The following KCNK15 variants were observed in gnomAD, a reference collection of about 807,000 sequenced individuals.
KCNK15 encodes potassium channel subfamily K member 15.
In KCNK15, 9 loss-of-function variants were observed where a neutral mutation model predicts 8.5. The ratio of observed to expected loss-of-function variants is 1.06; its 90% CI spans 0.64 to 1.85. KCNK15 has a LOEUF of 1.85. KCNK15 is among the 40% of genes most tolerant of loss of function. The pLI, the probability that KCNK15 is intolerant of heterozygous loss-of-function variation, is 0.00. For missense variants in KCNK15, 467 were observed against 476.8 expected (o/e 0.98, Z 0.19); for synonymous variants, 224 against 232.7 (o/e 0.96, Z 0.34).
chr20:44,750,957 C>T lies in KCNK15; in HGVS notation c.*119C>T. ...CCTCTAGGCGGTCTTCTGCCACGAG[C>T]AGTTTCTCATTACTGTCTGTGGCTA... On this transcript the variant is annotated 3_prime_UTR_variant, in exon 2 of 2. Transcript: ENST00000372861. The T allele has an allele frequency of 1.5e-6, 1 of 650,302 alleles. No individual in the cohort carries two copies. Among genetic ancestry groups the T allele is most frequent in the Non-Finnish European group, 2.3e-6 (1 of 431,472 alleles). 40.3% of individuals were successfully genotyped at this position (650,302 alleles called of 1,614,324 possible). A position where few individuals can be genotyped will look rare whatever the true frequency, so the allele number is the denominator to read the frequency against.
At position 44,746,199 on chromosome 20, in the gene KCNK15, C is replaced by T; in HGVS notation, c.283+6C>T. On this transcript the variant is annotated splice_donor_region_variant and intron_variant, in intron 1 of 1. Transcript: ENST00000372861. The stretch of plus-strand genomic sequence containing the variant: ...CACCGTCATCACTACCATCGGTGAG[C>T]CGCCCGGAGCCTCCCTCCGCGCCCG... The T allele has an allele frequency of 1.6e-6, 1 of 642,374 alleles. No individual in the cohort carries two copies. The highest frequency in any genetic ancestry group is 3.6e-5 in the South Asian group (1 of 27,856). The allele number at this position is 642,374 out of a possible 1,614,324, so 39.8% of individuals were successfully genotyped here.
Position 44,745,872 on chromosome 20 carries a change from G to A in KCNK15, c.-39G>A. On this transcript the variant is annotated 5_prime_UTR_variant, in exon 1 of 2. Transcript: ENST00000372861. ...GGAGCGCGCGGTCCGGGCACACGGAGCAGGTTGGGACCGCGGCGGGTACCG... is the reference window on the plus strand; with the variant it reads ...GGAGCGCGCGGTCCGGGCACACGGAACAGGTTGGGACCGCGGCGGGTACCG... The A allele has an allele frequency of 1.6e-6, 2 of 1,249,284 alleles. No homozygotes were observed. The highest frequency in any genetic ancestry group is 2.0e-6 in the Non-Finnish European group (2 of 995,560). 77.4% of individuals were successfully genotyped at this position (1,249,284 alleles called of 1,614,324 possible). A position where few individuals can be genotyped will look rare whatever the true frequency, so the allele number is the denominator to read the frequency against.
At chr20:44,749,949 A>G (rs1278724284) in intron 1 of KCNK15, among the ~76,000 whole-genome samples, 180 bp from the exon 2 acceptor site, 1 of 152,208 alleles carries the variant, frequency 6.6e-6, no homozygotes, top group Non-Finnish European at 1.5e-5. Flanking sequence ...TCCCCAGTCG[A>G]GGGACACTTG....
rs1213460506 is a variant in KCNK15, at chr20:44,750,411, C to CCTA, written c.575_577dup (p.Tyr192dup). ...TTCGAGGGCTGGACCTTCTTCCACG[C>CCTA]CTACTACTACTGCTTCATCACCCTC... On this transcript the variant is annotated inframe_insertion, in exon 2 of 2. Transcript: ENST00000372861. The CCTA allele has an allele frequency of 1.2e-6, 2 of 1,613,908 alleles. No individual in the cohort carries two copies. Among genetic ancestry groups the CCTA allele is most frequent in the Non-Finnish European group, 1.7e-6 (2 of 1,179,924 alleles).
At position 44,750,821 on chromosome 20, in the gene KCNK15, C is replaced by T. The variant is rs944631855; in HGVS notation, c.976C>T (p.Arg326Trp). 9 of 1,465,176 alleles carry T rather than the reference C, an allele frequency of 6.1e-6. No homozygotes were observed. Among genetic ancestry groups the T allele is most frequent in the Non-Finnish European group, 7.2e-6 (8 of 1,111,870 alleles). The allele number at this position is 1,465,176 out of a possible 1,614,324, so 90.8% of individuals were successfully genotyped here. The change falls in exon 2 of 2, where the codon CGG (arginine) becomes TGG (tryptophan). Residue 326 changes from arginine (R) to tryptophan (W), a missense_variant. By Grantham distance (101) the Arg-to-Trp change is moderately radical. This residue lies in a region of KCNK15 where 455 missense variants were observed against 441.2 expected (regional missense o/e 1.03). Transcript: ENST00000372861. ...RGGQAPRLGARWKSI is the reference protein window; with the variant it reads ...RGGQAPRLGAWWKSI ...CGGGCAGGCTCCCAGGCTTGGGGCC[C>T]GGTGGAAGTCCATCTGACAACCCCA...
chr20:44,751,115 A>G lies in KCNK15; in HGVS notation c.*277A>G, dbSNP rs2066030077. 1 of 280,626 alleles carries G rather than the reference A, an allele frequency of 3.6e-6. No homozygotes were observed. Among genetic ancestry groups the G allele is most frequent in the East Asian group, 6.2e-5 (1 of 16,178 alleles). The allele number at this position is 280,626 out of a possible 1,614,324, so 17.4% of individuals were successfully genotyped here. On this transcript the variant is annotated 3_prime_UTR_variant, in exon 2 of 2. Transcript: ENST00000372861. ...GGGCGTGGCCACATCAGCACTTAGGAGAGGCTCTGCACAGGTCCACCTCAG... is the reference window on the plus strand; with the variant it reads ...GGGCGTGGCCACATCAGCACTTAGGGGAGGCTCTGCACAGGTCCACCTCAG...
rs1461024306 is a variant in KCNK15 at position 44,750,237 on chromosome 20, G to T, written c.392G>T (p.Arg131Leu). ...TLVTFQSLGE[R>L]LNAVVRRLLL... ...GTCACTTTCCAGAGCCTGGGCGAAC[G>T]GCTGAACGCGGTGGTGCGGCGCCTC... The change falls in exon 2 of 2, where the codon CGG becomes CTG. Residue 131 changes from arginine (R) to leucine (L), a missense_variant. By Grantham distance (102) the Arg-to-Leu change is moderately radical. Coordinates refer to ENST00000372861, the MANE Select transcript of KCNK15 (RefSeq NM_022358.4). 2.0e-5 allele frequency: 32 copies of T among 1,610,430 alleles called. No homozygotes were observed. Among genetic ancestry groups the T allele is most frequent in the Non-Finnish European group, 2.7e-5 (32 of 1,178,824 alleles).
Position 44,750,861 on chromosome 20 carries a change from G to A in KCNK15, c.*23G>A. 7.4e-7 allele frequency: 1 copy of A among 1,345,260 alleles called. No individual in the cohort carries two copies. Among genetic ancestry groups the A allele is most frequent in the Non-Finnish European group, 9.6e-7 (1 of 1,042,262 alleles). The allele number at this position is 1,345,260 out of a possible 1,614,324, so 83.3% of individuals were successfully genotyped here. On this transcript the variant is annotated 3_prime_UTR_variant, in exon 2 of 2. Transcript: ENST00000372861. ...TGACAACCCCACCCAGGCCAGGGTC[G>A]AATCTGGAATGGGAGGGTCTGGCTT...
rs1297160697 is a variant in KCNK15, at chr20:44,746,139, C to T, written c.229C>T (p.Gln77Ter). ...GGCTGAGCCCCACCGCGCCGGCCGC[C>T]AGTGGAAGTTCCCCGGCTCCTTCTA... is the stretch of plus-strand genomic sequence containing the variant. Reference protein sequence around the residue: ...LQAEPHRAGRQWKFPGSFYFA... With the variant: ...LQAEPHRAGR Residue 77 changes from glutamine (Q) to a stop codon, truncating the protein, a stop_gained, in exon 1 of 2, where the codon CAG becomes TAG. Coordinates refer to ENST00000372861, the MANE Select transcript of KCNK15 (RefSeq NM_022358.4). LOFTEE classifies it high-confidence loss of function. The T allele has an allele frequency of 2.1e-6, 3 of 1,424,080 alleles. No individual in the cohort carries two copies. The highest frequency in any genetic ancestry group is 1.5e-5 in the African/African-American group (1 of 67,066). The allele number at this position is 1,424,080 out of a possible 1,614,324, so 88.2% of individuals were successfully genotyped here.
rs755216666 is a variant in KCNK15, at chr20:44,751,573, G to A, written c.*735G>A. ...GTCAATCACCAGCAATATGACCTTG[G>A]AGAATCGCATCCTCTCCCAGGGCCT... On this transcript the variant is annotated 3_prime_UTR_variant, in exon 2 of 2. Coordinates refer to ENST00000372861, the MANE Select transcript of KCNK15 (RefSeq NM_022358.4). 10 of 152,230 alleles carry A rather than the reference G, an allele frequency of 6.6e-5. No individual in the cohort carries two copies. Among genetic ancestry groups the A allele is most frequent in the African/African-American group, 2.4e-4 (10 of 41,426 alleles). 9.4% of individuals were successfully genotyped at this position (152,230 alleles called of 1,614,324 possible).
In KCNK15 at chr20:44,745,985, C is replaced by A. The variant is rs751501564; in HGVS notation, c.75C>A (p.Val25=). ...TLCYLLVGAA[V]FDALESEAES... is the part of the protein sequence containing the mutation. ...GTTACCTGCTGGTGGGCGCTGCTGT[C>A]TTCGACGCGCTCGAGTCCGAGGCGG... Residue 25 remains valine, a synonymous_variant, in exon 1 of 2, where the codon GTC becomes GTA. Coordinates refer to ENST00000372861, the MANE Select transcript of KCNK15 (RefSeq NM_022358.4). The A allele has an allele frequency of 6.6e-7, 1 of 1,519,212 alleles. No homozygotes were observed. The highest frequency in any genetic ancestry group is 1.4e-5 in the African/African-American group (1 of 69,752). The allele number at this position is 1,519,212 out of a possible 1,614,324, so 94.1% of individuals were successfully genotyped here. A position where few individuals can be genotyped will look rare whatever the true frequency, so the allele number is the denominator to read the frequency against.
Position 44,750,133 on chromosome 20 carries a change from C to T in KCNK15, c.288C>T (p.Tyr96=), listed in dbSNP as rs778737904. The T allele has an allele frequency of 1.9e-6, 3 of 1,605,004 alleles. No homozygotes were observed. The highest frequency in any genetic ancestry group is 1.7e-4 in the Middle Eastern group (1 of 5,972). The stretch of plus-strand genomic sequence containing the variant: ...CCCTCCGCTCTCCCTGCATAGAGTA[C>T]GGCCACGCCGCGCCGGGTACGGACT... The part of the protein sequence containing the change: ...FAITVITTIE[Y]GHAAPGTDSG... Residue 96 remains tyrosine, a synonymous_variant, in exon 2 of 2, where the codon TAC becomes TAT. Coordinates refer to ENST00000372861, the MANE Select transcript of KCNK15 (RefSeq NM_022358.4).
intron 1 of KCNK15, among the ~76,000 whole-genome samples, chr20:44,747,844 G>A (rs1444150650): frequency 6.6e-6 from 1 of 152,190 alleles, no homozygotes; most frequent in African/African-American, 2.4e-5. Flanking sequence ...TGTGGAGGGT[G>A]CTGGTTAATA....
chr20:44,746,286 C>A (rs6031779), intron 1 of KCNK15, 93 bp downstream of exon 1: 1 of 1,188,630 alleles, frequency 8.4e-7, no homozygotes, highest in Non-Finnish European at 1.1e-6. Context: ...CCCCGCCCAG[C>A]TGAGCTACTT....
At chr20:44,747,318 T>C (rs2066011639) in intron 1 of KCNK15, 1 of 152,218 alleles carries the variant, frequency 6.6e-6, no homozygotes, top group Non-Finnish European at 1.5e-5. Context: ...CCTCACTGGG[T>C]GACTGCCAGG....
chr20:44,749,942 C>G (rs1319977180), intron 1 of KCNK15, among the ~76,000 whole-genome samples, 187 bp from the exon 2 acceptor site: 3 of 152,220 alleles, frequency 2.0e-5, no homozygotes, highest in Admixed American at 2.0e-4. Flanking sequence ...TATCCATTCC[C>G]CAGTCGAGGG....
rs979407312 is a variant in KCNK15 at position 44,750,196 on chromosome 20, C to G, written c.351C>G (p.Gly117=). 10 of 1,612,912 alleles carry G rather than the reference C, an allele frequency of 6.2e-6. No individual in the cohort carries two copies. Among genetic ancestry groups the G allele is most frequent in the Non-Finnish European group, 8.5e-6 (10 of 1,179,800 alleles). The part of the protein sequence containing the change: ...KVFCMFYALL[G]IPLTLVTFQS... ...TCTGCATGTTCTACGCGCTCCTGGG[C>G]ATCCCGCTGACGCTGGTCACTTTCC... Residue 117 remains glycine (G), a synonymous_variant, in exon 2 of 2, where the codon GGC becomes GGG. Coordinates refer to ENST00000372861, the MANE Select transcript of KCNK15 (RefSeq NM_022358.4).
Position 44,750,431 on chromosome 20 carries a change from A to T in KCNK15, c.586A>T (p.Thr196Ser), listed in dbSNP as rs757086575. 1.1e-5 allele frequency: 18 copies of T among 1,613,716 alleles called. No homozygotes were observed. In the Admixed American group the frequency reaches 1.3e-4, roughly 12 times the overall value. The change falls in exon 2 of 2, where the codon ACC (threonine) becomes TCC (serine). Residue 196 changes from threonine to serine, a missense_variant. Around this residue, in one of 2 missense-constraint regions of KCNK15, gnomAD observed 455 missense variants for 441.2 expected, o/e 1.03. Coordinates refer to ENST00000372861, the MANE Select transcript of KCNK15 (RefSeq NM_022358.4). ...FFHAYYYCFI[T>S]LTTIGFGDFV... ...CCACGCCTACTACTACTGCTTCATC[A>T]CCCTCACCACCATCGGCTTCGGCGA...
In KCNK15 at chr20:44,750,664, C is replaced by A. The variant is rs900320953; in HGVS notation, c.819C>A (p.Gly273=). 7 of 1,486,280 alleles carry A rather than the reference C, an allele frequency of 4.7e-6. No homozygotes were observed. In the Admixed American group the frequency reaches 1.4e-4, roughly 29 times the overall value. The allele number at this position is 1,486,280 out of a possible 1,614,324, so 92.1% of individuals were successfully genotyped here. A position where few individuals can be genotyped will look rare whatever the true frequency, so the allele number is the denominator to read the frequency against. The change falls in exon 2 of 2, where the codon GGC becomes GGA. Residue 273 remains glycine, a synonymous_variant. Transcript: ENST00000372861. ...PRPPGAPESR[G]LWLPRRPARS... is the part of the protein sequence containing the mutation. ...CCCCGGGGGCGCCCGAGAGCCGTGG[C>A]CTCTGGCTGCCCCGCCGCCCGGCCC...
Sources: gnomAD v4.1 joint callset for allele counts (sites outside exome capture counted in the v4.1 genomes callset) on GRCh38, gnomAD v4.1.1 for gene constraint, gnomAD v4.1.1 regional missense constraint, MANE v1.5 for transcripts, NCBI Gene and HGNC (gene_info 2026-07-23, HGNC 2026-07-21) for gene names.